The following ANG variants were observed in gnomAD, a reference collection of about 807,000 sequenced individuals.
ANG encodes angiogenin, also known as Homo sapiens epididymis luminal protein 168.
For missense variants in ANG, 178 were observed against 187.4 expected, an observed-to-expected ratio of 0.95 and a Z score of 0.29; for synonymous variants, 74 against 73.8, an observed-to-expected ratio of 1.00 and a Z score of -0.02.
At chr14:20,690,957 G>A (rs997015494) in intron 1 of ANG, among the ~76,000 whole-genome samples, 23 of 152,316 alleles carry the variant, frequency 1.5e-4, no homozygotes, top group Admixed American at 3.9e-4. Flanking sequence ...CAACAGGTCG[G>A]TCTTTATTTT....
chr14:20,692,916 C>G (rs1042082332), intron 1 of ANG, among the ~76,000 whole-genome samples: 3 of 152,182 alleles, frequency 2.0e-5, no homozygotes, highest in Admixed American at 1.3e-4. Context: ...GGCGCGATCT[C>G]GGCTCACTGC....
At chr14:20,686,363 G>A (rs897843843), upstream of ANG, among the ~76,000 whole-genome samples, 4 of 152,216 alleles carry the variant, frequency 2.6e-5, no homozygotes, top group Admixed American at 6.5e-5. Context: ...TTATAAGCAG[G>A]CAAGAGTAAG....
intron 1 of ANG, among the ~76,000 whole-genome samples, chr14:20,692,385 A>C (rs1886805291): frequency 6.6e-6 from 1 of 152,230 alleles, no homozygotes; most frequent in Admixed American, 6.5e-5. Flanking sequence ...TAGCTGACTA[A>C]TTAGCTAGAA....
upstream of ANG, among the ~76,000 whole-genome samples, chr14:20,685,246 C>G (rs770925368): frequency 2.6e-5 from 4 of 152,178 alleles, no homozygotes; most frequent in Non-Finnish European, 4.4e-5. Context: ...AGACACTTGC[C>G]AACAGCCTCT....
At chr14:20,691,080 C>T (rs1005774274) in intron 1 of ANG, among the ~76,000 whole-genome samples, 2 of 152,208 alleles carry the variant, frequency 1.3e-5, no homozygotes, top group African/African-American at 4.8e-5. Flanking sequence ...GACAGAGATT[C>T]TAAACAGGTT....
At chr14:20,689,320 G>T (rs779260066) in intron 1 of ANG, among the ~76,000 whole-genome samples, 2 of 152,224 alleles carry the variant, frequency 1.3e-5, no homozygotes, top group Admixed American at 6.5e-5. Context: ...CACATCCCAA[G>T]ATCAAAAGAA....
At chr14:20,685,659 T>C (rs1005316233), upstream of ANG, among the ~76,000 whole-genome samples, 6 of 152,236 alleles carry the variant, frequency 3.9e-5, no homozygotes, top group Non-Finnish European at 5.9e-5. Flanking sequence ...TTTATGGTAA[T>C]AGTCAATGTA....
upstream of ANG, among the ~76,000 whole-genome samples, chr14:20,687,084 C>T (rs181045690): frequency 2.0e-5 from 3 of 152,228 alleles, no homozygotes; most frequent in Admixed American, 1.3e-4. Flanking sequence ...TTGCAATTGG[C>T]GATTCCTTCA....
intron 1 of ANG, among the ~76,000 whole-genome samples, chr14:20,692,970 C>T (rs981550888): frequency 2.0e-5 from 3 of 151,926 alleles, no homozygotes; most frequent in Admixed American, 6.6e-5. Flanking sequence ...GCCTCAGCCT[C>T]CCGAGTAGCT....
Position 20,693,536 on chromosome 14 carries a change from G to A in ANG, c.-18-11G>A. 1 of 1,609,264 alleles carries A rather than the reference G, an allele frequency of 6.2e-7. No homozygotes were observed. The stretch of plus-strand genomic sequence containing the variant: ...TCTTGGGTCTACCACACCTCCTTTT[G>A]CCCTCCGCAGGAGCCTGTGTTGGAA... On this transcript the variant is annotated splice_polypyrimidine_tract_variant and intron_variant, in intron 1 of 1. Transcript: ENST00000397990.
At chr14:20,687,558 G>A (rs1566598154), upstream of ANG, among the ~76,000 whole-genome samples, 2 of 152,200 alleles carry the variant, frequency 1.3e-5, no homozygotes, top group South Asian at 4.1e-4. Context: ...CTTGAGCTAA[G>A]CCTGGAAAGA....
rs1277937171 is a variant in ANG at position 20,688,871 on chromosome 14, C to CT, written c.-21dup. On this transcript the variant is annotated 5_prime_UTR_variant, in exon 1 of 2. Transcript: ENST00000397990. ...CCAGATTTTTGTAAGATTCTTCCTCCTGGGTAAACTATTGTTCAATTTGTT... is the reference window on the plus strand; with the variant it reads ...CCAGATTTTTGTAAGATTCTTCCTCCTTGGGTAAACTATTGTTCAATTTGTT... The CT allele has an allele frequency of 3.0e-6, 3 of 984,504 alleles. No homozygotes were observed. The Admixed American group carries it at 1.8e-4, about 61-fold the overall frequency. The allele number at this position is 984,504 out of a possible 1,614,324, so 61.0% of individuals were successfully genotyped here.
chr14:20,690,373 G>T lies in ANG; in HGVS notation c.-19+1499G>T, dbSNP rs914239278. On this transcript the variant is annotated intron_variant, in intron 1 of 1. Transcript: ENST00000397990. ...TAGGACTTTTGCCACCAGATGTGAGGCTTTGCACCCTTGGCTTAGGCAGAT... is the reference window on the plus strand; with the variant it reads ...TAGGACTTTTGCCACCAGATGTGAGTCTTTGCACCCTTGGCTTAGGCAGAT... Among the ~76,000 whole-genome samples, 22 of 152,210 alleles carry T rather than the reference G, an allele frequency of 1.4e-4. No individual in the cohort carries two copies. In the East Asian group the frequency reaches 3.1e-3, roughly 21 times the overall value.
In ANG at chr14:20,693,866, A is replaced by C. The variant is rs1046180997; in HGVS notation, c.302A>C (p.Gln101Pro). The C allele has an allele frequency of 2.5e-6, 4 of 1,614,120 alleles. No homozygotes were observed. The highest frequency in any genetic ancestry group is 3.4e-6 in the Non-Finnish European group (4 of 1,180,048). Reference sequence around the variant, plus strand: ...CTAAGAATAAGCAAGTCTTCTTTCCAGGTCACCACTTGCAAGCTACATGGA... The same window carrying C: ...CTAAGAATAAGCAAGTCTTCTTTCCCGGTCACCACTTGCAAGCTACATGGA... ...ENLRISKSSFQVTTCKLHGGS... is the reference protein window; with the variant it reads ...ENLRISKSSFPVTTCKLHGGS... The change falls in exon 2 of 2, where the codon CAG becomes CCG. Residue 101 changes from glutamine (Q) to proline (P), a missense_variant. Transcript: ENST00000397990.
At chr14:20,690,221 C>CAAAAAAAAAAAAAAAAAAA (rs36091065) in intron 1 of ANG, among the ~76,000 whole-genome samples, 4 of 67,978 alleles carry the variant, frequency 5.9e-5, no homozygotes, top group Non-Finnish European at 9.9e-5. Flanking sequence ...GACTCCGTCT[C>CAAAAAAAAAAAAAAAAAAA]AAAAAAAAAA....
rs1173133558 is a variant in ANG, at chr14:20,693,660, C to T, written c.96C>T (p.His32=). 2.5e-6 allele frequency: 4 copies of T among 1,614,038 alleles called. No homozygotes were observed. The African/African-American group carries it at 5.3e-5, about 22-fold the overall frequency. ...CTCAGGATAACTCCAGGTACACACACTTCCTGACCCAGCACTATGATGCCA... is the reference window on the plus strand; with the variant it reads ...CTCAGGATAACTCCAGGTACACACATTTCCTGACCCAGCACTATGATGCCA... ...TLAQDNSRYT[H]FLTQHYDAKP... is the part of the protein sequence containing the mutation. The change falls in exon 2 of 2, where the codon CAC becomes CAT. Residue 32 remains histidine, a synonymous_variant. Transcript: ENST00000397990.
At chr14:20,692,985 C>T (rs1277400685) in intron 1 of ANG, among the ~76,000 whole-genome samples, 2 of 151,464 alleles carry the variant, frequency 1.3e-5, no homozygotes, top group South Asian at 2.1e-4. Context: ...GTAGCTGGGA[C>T]TACAGGCGCC....
In ANG at chr14:20,694,023, G is replaced by A. The variant is rs779928407; in HGVS notation, c.*15G>A. ...GTCGTCCGTAACCAGCGGGCCCCTG[G>A]TCAAGTGCTGGCTCTGCTGTCCTTG... On this transcript the variant is annotated 3_prime_UTR_variant, in exon 2 of 2. Coordinates refer to ENST00000397990, the MANE Select transcript of ANG (RefSeq NM_001097577.3). 8.7e-6 allele frequency: 14 copies of A among 1,614,046 alleles called. No individual in the cohort carries two copies. Among genetic ancestry groups the A allele is most frequent in the Non-Finnish European group, 1.2e-5 (14 of 1,179,978 alleles).
In ANG at chr14:20,693,670, C is replaced by G. The variant is rs1334329108; in HGVS notation, c.106C>G (p.Gln36Glu). ...DNSRYTHFLTQHYDAKPQGRD... is the reference protein window; with the variant it reads ...DNSRYTHFLTEHYDAKPQGRD... ...CTCCAGGTACACACACTTCCTGACC[C>G]AGCACTATGATGCCAAACCACAGGG... The change falls in exon 2 of 2, where the codon CAG (glutamine) becomes GAG (glutamate). Residue 36 changes from glutamine (Q) to glutamate (E), a missense_variant. Coordinates refer to ENST00000397990, the MANE Select transcript of ANG (RefSeq NM_001097577.3). 7 of 1,614,140 alleles carry G rather than the reference C, an allele frequency of 4.3e-6. No homozygotes were observed. In the Middle Eastern group the frequency reaches 6.6e-4, roughly 152 times the overall value.
Sources: allele counts gnomAD v4.1 joint callset (sites outside exome capture counted in the v4.1 genomes callset), GRCh38; gene constraint gnomAD v4.1.1; transcripts MANE v1.5; gene names NCBI Gene and HGNC (gene_info 2026-07-23, HGNC 2026-07-21).